LRRTM4: variants seen among roughly 807,000 people sequenced by gnomAD.
LRRTM4 encodes leucine-rich repeat transmembrane neuronal protein 4.
A neutral mutation model predicts 47.6 loss-of-function variants in LRRTM4; 25 were observed. The observed-to-expected ratio is 0.53, with a 90% CI of 0.38 to 0.73. The LOEUF (loss-of-function observed/expected upper bound fraction) is 0.73. Among genes scored for constraint, LRRTM4 ranks in the 30% least tolerant of loss-of-function variants. The pLI, the probability that LRRTM4 is intolerant of heterozygous loss-of-function variation, is 0.00. For missense variants in LRRTM4, 638 were observed against 713.4 expected (o/e 0.89, Z 1.20); for synonymous variants, 311 against 269.5 (o/e 1.15, Z -1.51).
chr2:76,761,763 A>G (rs1039746410), intron 3 of LRRTM4, among the ~76,000 whole-genome samples: 3 of 152,230 alleles, frequency 2.0e-5, no homozygotes, highest in Non-Finnish European at 2.9e-5. Context: ...GATAAATTTA[A>G]AGGAAAAGAA....
At chr2:77,293,865 T>C (rs992479338) in intron 3 of LRRTM4, among the ~76,000 whole-genome samples, 1 of 152,102 alleles carries the variant, frequency 6.6e-6, no homozygotes, top group African/African-American at 2.4e-5. Flanking sequence ...GGTAAAACTT[T>C]ATCAGCCTAT....
At chr2:77,183,579 G>A (rs977822270) in intron 3 of LRRTM4, among the ~76,000 whole-genome samples, 6 of 152,112 alleles carry the variant, frequency 3.9e-5, no homozygotes, top group Non-Finnish European at 8.8e-5. Flanking sequence ...TCCCATTACT[G>A]GGTATATACC....
At chr2:77,176,418 C>G (rs1673199918) in intron 3 of LRRTM4, among the ~76,000 whole-genome samples, 1 of 152,184 alleles carries the variant, frequency 6.6e-6, no homozygotes, top group African/African-American at 2.4e-5. Flanking sequence ...CTAAGTCAGT[C>G]CTGTGCTAAC....
At chr2:77,251,617 A>G (rs939495166) in intron 3 of LRRTM4, among the ~76,000 whole-genome samples, 1 of 152,160 alleles carries the variant, frequency 6.6e-6, no homozygotes, top group African/African-American at 2.4e-5. Context: ...GATATCAAGT[A>G]TTATAATTTA....
At chr2:77,166,818 A>G (rs1672899750) in intron 3 of LRRTM4, among the ~76,000 whole-genome samples, 1 of 152,188 alleles carries the variant, frequency 6.6e-6, no homozygotes, top group African/African-American at 2.4e-5. Context: ...AGATGGATTA[A>G]AGACTTAAAT....
chr2:76,759,648 T>C (rs562223378), intron 3 of LRRTM4, among the ~76,000 whole-genome samples: 12 of 152,128 alleles, frequency 7.9e-5, no homozygotes, highest in Non-Finnish European at 1.6e-4. Flanking sequence ...TGTGTGTGTA[T>C]GTAGAAGTCA....
At position 77,373,088 on chromosome 2, in the gene LRRTM4, A is replaced by AATATATATAT. The variant is rs1553435843; in HGVS notation, c.1551+145220_1551+145229dup. ...AAAGCAAACCAACAATTAAAAAAAA[A>AATATATATAT]ATATATATATATATATATATACGCA... On this transcript the variant is annotated intron_variant, in intron 3 of 3. Transcript: ENST00000409884. 7.1e-5 allele frequency among the ~76,000 whole-genome samples: 10 copies of AATATATATAT among 140,356 alleles called. No individual in the cohort carries two copies. In the East Asian group the frequency reaches 1.3e-3, roughly 18 times the overall value. The allele number at this position is 140,356 out of a possible 152,430, so 92.1% of individuals were successfully genotyped here.
intron 3 of LRRTM4, among the ~76,000 whole-genome samples, chr2:77,370,650 T>C (rs1342009617): frequency 6.6e-6 from 1 of 151,734 alleles, no homozygotes; most frequent in East Asian, 1.9e-4. Flanking sequence ...TGGATTGATG[T>C]AGCTATCTGC....
chr2:76,750,614 C>CAG (rs761184872), intron 3 of LRRTM4, among the ~76,000 whole-genome samples: 15 of 152,112 alleles, frequency 9.9e-5, no homozygotes, highest in Admixed American at 2.0e-4. Context: ...AGTTAACCAC[C>CAG]AGAGGTCTTA....
In LRRTM4 at chr2:77,302,376, A is replaced by G. The variant is rs147512573; in HGVS notation, c.1551+215942T>C. Among the ~76,000 whole-genome samples the G allele has an allele frequency of 6.1e-3, 932 of 152,304 alleles. 12 individuals are homozygous for G. The highest frequency in any genetic ancestry group is 0.02 in the African/African-American group (849 of 41,572). On this transcript the variant is annotated intron_variant, in intron 3 of 3. Transcript: ENST00000409884. ...TAAACATCTTTGTTATTTCAAATAT[A>G]CACTTATTTTTAATCACTGAACATG...
intron 3 of LRRTM4, among the ~76,000 whole-genome samples, chr2:76,834,975 C>G (rs1241079694): frequency 3.9e-5 from 6 of 152,120 alleles, no homozygotes; most frequent in African/African-American, 1.2e-4. Flanking sequence ...CAGCCTAACT[C>G]TGGTTTCCAA....
rs1679308310 is a variant in LRRTM4, at chr2:77,518,348, T to C, written c.1521A>G (p.Thr507=). Residue 507 remains threonine, a synonymous_variant, in exon 3 of 4, where the codon ACA becomes ACG. Coordinates refer to ENST00000409884, the MANE Select transcript of LRRTM4 (RefSeq NM_001134745.3). ...DISVNGSGPC[T]YTISGSRECE... is the part of the protein sequence containing the mutation. ...ATTCCCTGGAGCCAGAGATGGTATATGTGCAGGGCCCAGATCCATTAACCG... is the reference window on the plus strand; with the variant it reads ...ATTCCCTGGAGCCAGAGATGGTATACGTGCAGGGCCCAGATCCATTAACCG... The C allele has an allele frequency of 8.1e-6, 13 of 1,611,308 alleles. No homozygotes were observed. Among genetic ancestry groups the C allele is most frequent in the Admixed American group, 1.7e-5 (1 of 59,694 alleles).
intron 3 of LRRTM4, among the ~76,000 whole-genome samples, chr2:76,850,174 G>A (rs1671951164): frequency 6.6e-6 from 1 of 151,930 alleles, no homozygotes; most frequent in Non-Finnish European, 1.5e-5. Flanking sequence ...TAGATTTTTG[G>A]TTTGTTTTTT....
intron 3 of LRRTM4, among the ~76,000 whole-genome samples, chr2:76,939,149 T>C (rs1250452179): frequency 7.4e-6 from 1 of 134,464 alleles, no homozygotes; most frequent in Non-Finnish European, 1.5e-5. Flanking sequence ...GGTAACCTGT[T>C]ACTGAAAAAA....
intron 3 of LRRTM4, among the ~76,000 whole-genome samples, chr2:77,293,585 CAA>C (rs1453589745): frequency 9.2e-5 from 14 of 152,118 alleles, no homozygotes; most frequent in African/African-American, 3.1e-4. Flanking sequence ...GACAGACAGA[CAA>C]GAAGAAAGAA....
At chr2:77,116,331 A>G (rs1671388665) in intron 3 of LRRTM4, among the ~76,000 whole-genome samples, 1 of 152,142 alleles carries the variant, frequency 6.6e-6, no homozygotes, top group South Asian at 2.1e-4. Flanking sequence ...CACTAAATTT[A>G]TCCTCTAATA....
intron 3 of LRRTM4, among the ~76,000 whole-genome samples, chr2:77,252,609 A>T (rs1056597144): frequency 2.0e-5 from 3 of 152,068 alleles, no homozygotes; most frequent in Non-Finnish European, 4.4e-5. Context: ...ACCAAAACGA[A>T]CCCAATCTTC....
chr2:77,406,108 A>G (rs527951099), intron 3 of LRRTM4, among the ~76,000 whole-genome samples: 7 of 152,240 alleles, frequency 4.6e-5, no homozygotes, highest in Non-Finnish European at 7.4e-5. Context: ...GATATTTTCT[A>G]TAGTGTCCTG....
intron 3 of LRRTM4, among the ~76,000 whole-genome samples, chr2:76,993,712 T>C (rs1677093455): frequency 6.6e-6 from 1 of 151,844 alleles, no homozygotes; most frequent in Non-Finnish European, 1.5e-5. Context: ...CTCAAAGAAG[T>C]AAAAATAGAA....
Sources: allele counts gnomAD v4.1 joint callset (sites outside exome capture counted in the v4.1 genomes callset), GRCh38; gene constraint gnomAD v4.1.1; transcripts MANE v1.5; gene names NCBI Gene and HGNC (gene_info 2026-07-23, HGNC 2026-07-21).